PLPPR5: variants seen among roughly 807,000 people sequenced by gnomAD.
PLPPR5 encodes phospholipid phosphatase-related protein type 5.
PLPPR5 carries 16 observed loss-of-function variants against 33.9 expected under a neutral mutation model. That is an observed-to-expected ratio of 0.47 (90% CI 0.32 to 0.72). The LOEUF (loss-of-function observed/expected upper bound fraction) is 0.72, where lower values mean the gene tolerates loss of function less well. PLPPR5 is among the 30% of genes least tolerant of loss of function. PLPPR5 has a pLI of 0.03. For missense variants in PLPPR5, 301 were observed against 406.7 expected, an observed-to-expected ratio of 0.74 and a Z score of 2.23; for synonymous variants, 163 against 150.3, an observed-to-expected ratio of 1.08 and a Z score of -0.62.
At chr1:98,897,813 GA>G (rs1281714128) in intron 5 of PLPPR5, among the ~76,000 whole-genome samples, 2 of 152,008 alleles carry the variant, frequency 1.3e-5, no homozygotes. Flanking sequence ...GTGAAATAGA[GA>G]TAAGAATACA....
At chr1:98,894,343 G>A (rs1352504906) in intron 5 of PLPPR5, among the ~76,000 whole-genome samples, 1 of 151,974 alleles carries the variant, frequency 6.6e-6, no homozygotes, top group East Asian at 1.9e-4. Context: ...TGACTTCAGG[G>A]TAAAGATGAC....
At chr1:98,953,793 G>A (rs756782410) in intron 2 of PLPPR5, among the ~76,000 whole-genome samples, 1 of 152,104 alleles carries the variant, frequency 6.6e-6, no homozygotes, top group Admixed American at 6.5e-5. Context: ...TGATGTTAAC[G>A]CTGCTGGAGG....
chr1:98,988,441 T>C (rs775451838), intron 1 of PLPPR5, among the ~76,000 whole-genome samples: 5 of 152,140 alleles, frequency 3.3e-5, no homozygotes, highest in Admixed American at 6.6e-5. Context: ...TGTAGCCCTA[T>C]TCATTGTTTT....
chr1:98,966,774 C>G (rs977539082), intron 1 of PLPPR5, among the ~76,000 whole-genome samples: 4 of 152,164 alleles, frequency 2.6e-5, no homozygotes, highest in Non-Finnish European at 4.4e-5. Flanking sequence ...ACACATGAAG[C>G]TGCCATCCCA....
At chr1:98,970,606 G>A (rs1164933481) in intron 1 of PLPPR5, among the ~76,000 whole-genome samples, 2 of 151,666 alleles carry the variant, frequency 1.3e-5, no homozygotes, top group Non-Finnish European at 2.9e-5. Context: ...GCCAAGTACT[G>A]TTGTAAACAT....
At chr1:98,945,302 G>C (rs2101198586) in intron 3 of PLPPR5, among the ~76,000 whole-genome samples, 1 of 152,266 alleles carries the variant, frequency 6.6e-6, no homozygotes, top group South Asian at 2.1e-4. Context: ...GAGCTACCTG[G>C]TCACCTGGAA....
chr1:98,977,475 C>T (rs181689541), intron 1 of PLPPR5, among the ~76,000 whole-genome samples: 2 of 150,126 alleles, frequency 1.3e-5, no homozygotes, highest in African/African-American at 2.5e-5. Context: ...TGAATGTATG[C>T]TAATATATCT....
chr1:98,905,291 T>C (rs1825129), intron 5 of PLPPR5, among the ~76,000 whole-genome samples: 78,223 of 152,046 alleles, frequency 0.51, 20,991 homozygotes, highest in East Asian at 0.76. Flanking sequence ...TTTCCATGTA[T>C]TTATTTCCTA....
At chr1:98,917,194 A>G (rs949856478) in intron 4 of PLPPR5, among the ~76,000 whole-genome samples, 1 of 152,224 alleles carries the variant, frequency 6.6e-6, no homozygotes, top group Non-Finnish European at 1.5e-5. Context: ...AAGGCTAAAA[A>G]CTTGAATTAA....
At chr1:98,966,634 G>A (rs148641512) in intron 1 of PLPPR5, among the ~76,000 whole-genome samples, 1 of 152,130 alleles carries the variant, frequency 6.6e-6, no homozygotes, top group Non-Finnish European at 1.5e-5. Flanking sequence ...AGGGACAAAG[G>A]CCGCTTTGAT....
chr1:98,901,055 T>A (rs1648678510), intron 5 of PLPPR5, among the ~76,000 whole-genome samples: 1 of 152,154 alleles, frequency 6.6e-6, no homozygotes, highest in Non-Finnish European at 1.5e-5. Flanking sequence ...GCTTTATTCA[T>A]AATTGCCAAA....
chr1:98,909,826 T>G (rs143759509), intron 5 of PLPPR5, among the ~76,000 whole-genome samples: 15 of 148,860 alleles, frequency 1.0e-4, no homozygotes, highest in African/African-American at 3.6e-4. Context: ...AAGTTACTAG[T>G]AACCTGAATA....
intron 1 of PLPPR5, among the ~76,000 whole-genome samples, chr1:99,003,588 T>G (rs7538595): frequency 6.6e-6 from 1 of 152,112 alleles, no homozygotes; most frequent in African/African-American, 2.4e-5. Context: ...TATAATAAAA[T>G]TAATATTATT....
intron 1 of PLPPR5, among the ~76,000 whole-genome samples, chr1:98,992,023 A>T (rs534257466): frequency 6.6e-6 from 1 of 152,298 alleles, no homozygotes; most frequent in Middle Eastern, 3.4e-3. Flanking sequence ...CTTTTATCTT[A>T]TGCAGAATAT....
chr1:98,941,207 C>T (rs778560193), intron 3 of PLPPR5, among the ~76,000 whole-genome samples: 1 of 151,804 alleles, frequency 6.6e-6, no homozygotes, highest in Non-Finnish European at 1.5e-5. Context: ...TGCAATGAAG[C>T]ACTTAATGAG....
In PLPPR5 at chr1:98,914,308, C is replaced by T. The variant is rs182183373; in HGVS notation, c.933+478G>A. Among the ~76,000 whole-genome samples, 115 of 152,234 alleles carry T rather than the reference C, an allele frequency of 7.6e-4. No homozygotes were observed. The South Asian group carries it at 9.5e-3, about 13-fold the overall frequency. ...CAAACAGATATTTTATTTTTTGATA[C>T]GGAGTCTCACTCTGTTGCGTAAGCT... On this transcript the variant is annotated intron_variant, in intron 5 of 5. Transcript: ENST00000263177.
chr1:98,950,944 T>G (rs1412428390), intron 3 of PLPPR5, among the ~76,000 whole-genome samples: 1 of 152,124 alleles, frequency 6.6e-6, no homozygotes, highest in Non-Finnish European at 1.5e-5. Context: ...CAAAGTGATC[T>G]TTCTGCTTTT....
chr1:98,907,203 C>CTT lies in PLPPR5; in HGVS notation c.933+7581_933+7582dup, dbSNP rs5776440. On this transcript the variant is annotated intron_variant, in intron 5 of 5. Transcript: ENST00000263177. ...AAATTTAATTGTATTTATTGTAATC[C>CTT]TTTTTTTTTTTTTTTTCTGATGAAG... Among the ~76,000 whole-genome samples, 334 of 132,130 alleles carry CTT rather than the reference C, an allele frequency of 2.5e-3. 4 individuals carry two copies. The highest frequency in any genetic ancestry group is 5.5e-3 in the East Asian group (26 of 4,686). 86.7% of individuals were successfully genotyped at this position (132,130 alleles called of 152,430 possible).
At chr1:98,922,926 A>C (rs1359668542) in intron 3 of PLPPR5, among the ~76,000 whole-genome samples, 2 of 152,114 alleles carry the variant, frequency 1.3e-5, no homozygotes, top group Admixed American at 6.5e-5. Flanking sequence ...CGGAGCTTGC[A>C]GTGAGCTGAG....
Sources: gnomAD v4.1 joint callset for allele counts (sites outside exome capture counted in the v4.1 genomes callset) on GRCh38, gnomAD v4.1.1 for gene constraint, MANE v1.5 for transcripts, NCBI Gene and HGNC (gene_info 2026-07-23, HGNC 2026-07-21) for gene names.